ANKRD31: variants seen among roughly 807,000 people sequenced by gnomAD.
The protein encoded by ANKRD31 is ankyrin repeat domain 31, also known as ankyrin repeat domain-containing protein 31.
In ANKRD31, 147 loss-of-function variants were observed where a neutral mutation model predicts 186.0. The observed-to-expected ratio is 0.79, with a 90% CI of 0.69 to 0.91. The LOEUF (loss-of-function observed/expected upper bound fraction) is 0.91. Ranked by LOEUF, ANKRD31 falls within the 40% of genes least tolerant of loss-of-function variation. The probability of loss-of-function intolerance (pLI) is 0.00; values close to 1 mark genes in which losing one functional copy is unlikely to be tolerated. For synonymous variants in ANKRD31, 673 were observed against 736.4 expected, an observed-to-expected ratio of 0.91 and a Z score of 1.39; for missense variants, 1,986 against 2,148.8, an observed-to-expected ratio of 0.92 and a Z score of 1.50.
intron 22 of ANKRD31, among the ~76,000 whole-genome samples, chr5:75,104,009 A>G (rs1342644868): frequency 2.0e-5 from 3 of 152,230 alleles, no homozygotes; most frequent in Non-Finnish European, 4.4e-5. Flanking sequence ...GAACTTAAAA[A>G]TTAAAATTAA....
intron 7 of ANKRD31, 115 bp downstream of exon 7, chr5:75,195,516 A>C (rs754622980): frequency 1.5e-5 from 14 of 917,792 alleles, no homozygotes; most frequent in Admixed American, 3.1e-5. Context: ...AAAAGGCAAA[A>C]TCATAGACTC....
Position 75,152,071 on chromosome 5 carries a change from T to C in ANKRD31, c.1852+2130A>G, listed in dbSNP as rs149851077. Reference sequence around the variant, plus strand: ...TGTTTTGCCTGCCCAGCACATAACCTCATAGGCAGCTCTCTGAAGAGAGAT... The same window carrying C: ...TGTTTTGCCTGCCCAGCACATAACCCCATAGGCAGCTCTCTGAAGAGAGAT... On this transcript the variant is annotated intron_variant, in intron 12 of 25. Transcript: ENST00000506364. Among the ~76,000 whole-genome samples the C allele has an allele frequency of 4.2e-3, 634 of 152,138 alleles. 5 individuals carry two copies. Among genetic ancestry groups the C allele is most frequent in the African/African-American group, 0.015 (613 of 41,520 alleles).
chr5:75,212,599 C>T (rs974180120), intron 3 of ANKRD31, among the ~76,000 whole-genome samples: 2 of 152,154 alleles, frequency 1.3e-5, no homozygotes, highest in East Asian at 1.9e-4. Context: ...CACCACTGCA[C>T]CCCAGCCTGG....
chr5:75,102,041 G>C (rs1746934879), intron 22 of ANKRD31, among the ~76,000 whole-genome samples: 1 of 152,150 alleles, frequency 6.6e-6, no homozygotes, highest in Admixed American at 6.5e-5. Flanking sequence ...TTCTGCTCTG[G>C]TTTCTCCCCA....
In ANKRD31 at chr5:75,146,224, T is replaced by G; in HGVS notation, c.3187A>C (p.Thr1063Pro). 1 of 1,536,368 alleles carries G rather than the reference T, an allele frequency of 6.5e-7. No individual in the cohort carries two copies. ...IVEKMAKNCD[T>P]ERNYIDRDQK... ...TCTCTGTCAATGTAATTCCTCTCAG[T>G]GTCACAATTCTTTGCCATCTTTTCC... The change falls in exon 14 of 26, where the codon ACT becomes CCT. Residue 1063 changes from threonine to proline, a missense_variant. Physicochemically the swap from Thr to Pro is conservative, Grantham distance 38. Coordinates refer to ENST00000506364, the MANE Select transcript of ANKRD31 (RefSeq NM_001372053.1).
chr5:75,130,342 G>C (rs1457395927), intron 17 of ANKRD31, among the ~76,000 whole-genome samples: 1 of 152,204 alleles, frequency 6.6e-6, no homozygotes, highest in South Asian at 2.1e-4. Context: ...AAAGAACAAA[G>C]CTTCCACAGT....
chr5:75,110,707 C>A (rs1196791923), intron 20 of ANKRD31, among the ~76,000 whole-genome samples: 3 of 139,304 alleles, frequency 2.2e-5, no homozygotes, highest in African/African-American at 2.6e-5. Flanking sequence ...AACTCCATCT[C>A]AAAAAAAAAA....
intron 10 of ANKRD31, among the ~76,000 whole-genome samples, chr5:75,187,212 G>A (rs948690445): frequency 1.1e-4 from 17 of 151,074 alleles, no homozygotes; most frequent in African/African-American, 3.7e-4. Flanking sequence ...ATTGAAAATG[G>A]AAACTCTGTG....
chr5:75,101,990 TGGA>T (rs962504903), intron 22 of ANKRD31, among the ~76,000 whole-genome samples: 4 of 152,248 alleles, frequency 2.6e-5, no homozygotes, highest in Non-Finnish European at 5.9e-5. Flanking sequence ...TGCATTCCTT[TGGA>T]GGAGAAGAGG....
At chr5:75,080,539 T>G (rs747928004) in intron 25 of ANKRD31, 29 bp downstream of exon 25, 3 of 1,429,054 alleles carry the variant, frequency 2.1e-6, no homozygotes, top group Admixed American at 2.1e-5. Flanking sequence ...TAAAAGTAAA[T>G]GGAATTGAAT....
At chr5:75,155,333 T>C (rs1752094802) in intron 11 of ANKRD31, among the ~76,000 whole-genome samples, 1 of 152,134 alleles carries the variant, frequency 6.6e-6, no homozygotes. Context: ...ATATATTATA[T>C]ACACTCTGTA....
intron 10 of ANKRD31, among the ~76,000 whole-genome samples, chr5:75,182,106 T>C (rs1398701583): frequency 6.6e-6 from 1 of 152,168 alleles, no homozygotes; most frequent in Non-Finnish European, 1.5e-5. Flanking sequence ...AAATAGGTCA[T>C]GTGAACTTTT....
At chr5:75,176,327 A>T (rs564712149) in intron 10 of ANKRD31, among the ~76,000 whole-genome samples, 6 of 152,312 alleles carry the variant, frequency 3.9e-5, no homozygotes, top group Admixed American at 3.3e-4. Flanking sequence ...GACAAACAAA[A>T]GACAGCCATA....
chr5:75,224,129 TTATATATATATATA>T (rs148986776), intron 2 of ANKRD31, among the ~76,000 whole-genome samples: 1 of 105,752 alleles, frequency 9.5e-6, no homozygotes, highest in Non-Finnish European at 1.9e-5. Context: ...TCAGAAATAA[TTATATATATATATA>T]TATATATATA....
At chr5:75,175,308 C>T (rs1332066359) in intron 10 of ANKRD31, among the ~76,000 whole-genome samples, 1 of 151,902 alleles carries the variant, frequency 6.6e-6, no homozygotes, top group Non-Finnish European at 1.5e-5. Context: ...TGCAGCACAC[C>T]AACATGGCAC....
chr5:75,210,746 C>T lies in ANKRD31; in HGVS notation c.326+82G>A, dbSNP rs62369196. 1,538 of 1,009,072 alleles carry T rather than the reference C, an allele frequency of 1.5e-3. 1 individual carries two copies. The highest frequency in any genetic ancestry group is 2.0e-3 in the Non-Finnish European group (1,424 of 729,696). The allele number at this position is 1,009,072 out of a possible 1,614,324, so 62.5% of individuals were successfully genotyped here. ...AAAAATATACAATAATTCTAAAACT[C>T]TTAAAAATGAATATTCATCTTAGAT... On this transcript the variant is annotated intron_variant, in intron 4 of 25. Transcript: ENST00000506364.
At chr5:75,097,244 C>T (rs1746405553) in intron 22 of ANKRD31, among the ~76,000 whole-genome samples, 1 of 152,176 alleles carries the variant, frequency 6.6e-6, no homozygotes, top group South Asian at 2.1e-4. Context: ...CACTGTCTTC[C>T]ACGATGGTTG....
At chr5:75,199,566 G>C in intron 6 of ANKRD31, 65 bp downstream of exon 6, 1 of 1,297,714 alleles carries the variant, frequency 7.7e-7, no homozygotes, top group Non-Finnish European at 1.0e-6. Context: ...TACTTTAATC[G>C]ACATAATTTT....
intron 4 of ANKRD31, 88 bp downstream of exon 4, chr5:75,210,739 TA>T: frequency 3.1e-6 from 3 of 964,724 alleles, no homozygotes; most frequent in East Asian, 2.9e-5. Context: ...ACAATAATTC[TA>T]AAACTCTTAA....
Sources: allele counts gnomAD v4.1 joint callset (sites outside exome capture counted in the v4.1 genomes callset), GRCh38; gene constraint gnomAD v4.1.1; transcripts MANE v1.5; gene names NCBI Gene and HGNC (gene_info 2026-07-23, HGNC 2026-07-21).